Variants in ZC3H13 observed in about 807,000 individuals in gnomAD.
ZC3H13 encodes zinc finger CCCH domain-containing protein 13.
A neutral mutation model predicts 204.1 loss-of-function variants in ZC3H13; 64 were observed. The observed-to-expected ratio is 0.31, with a 90% confidence interval of 0.26 to 0.39. The LOEUF is 0.39. Ranked by LOEUF, ZC3H13 falls within the 10% of genes least tolerant of loss-of-function variation. The probability of loss-of-function intolerance (pLI) is 1.00; values close to 1 mark genes in which losing one functional copy is unlikely to be tolerated. For synonymous variants in ZC3H13, 667 were observed against 693.7 expected (o/e 0.96, Z 0.60); for missense variants, 1,833 against 2,082.7 (o/e 0.88, Z 2.33).
At chr13:45,984,984 C>G (rs1186463758) in intron 10 of ZC3H13, among the ~76,000 whole-genome samples, 1 of 152,088 alleles carries the variant, frequency 6.6e-6, no homozygotes, top group African/African-American at 2.4e-5. Context: ...ATATTTATAC[C>G]TATTTAACAG....
chr13:45,982,320 A>G (rs1006736221), intron 10 of ZC3H13, among the ~76,000 whole-genome samples: 2 of 152,132 alleles, frequency 1.3e-5, no homozygotes, highest in Non-Finnish European at 2.9e-5. Context: ...AACATCTAGG[A>G]AAGAATGGAT....
At chr13:46,048,966 A>G (rs1210708264) in intron 1 of ZC3H13, among the ~76,000 whole-genome samples, 1 of 152,118 alleles carries the variant, frequency 6.6e-6, no homozygotes, top group Non-Finnish European at 1.5e-5. Context: ...ATCCTGGCCA[A>G]CATGGTGAAA....
At chr13:46,039,451 T>C (rs2043422838) in intron 4 of ZC3H13, among the ~76,000 whole-genome samples, 1 of 152,258 alleles carries the variant, frequency 6.6e-6, no homozygotes, top group Non-Finnish European at 1.5e-5. Context: ...ATCATTTACA[T>C]GTATATTCTT....
chr13:45,965,320 T>C lies in ZC3H13; in HGVS notation c.4434A>G (p.Ala1478=), dbSNP rs116386585. The change falls in exon 16 of 19, where the codon GCA becomes GCG. Residue 1478 remains alanine, a synonymous_variant. Transcript: ENST00000679008. ...CATCCTGTTGGTCCTCCCTCTTTTC[T>C]GCATCACCTGCCAGAATTTCATCTA... ...DELDEILAGD[A]EKREDQQDEE... 69 of 1,613,730 alleles carry C rather than the reference T, an allele frequency of 4.3e-5. No individual in the cohort carries two copies. The African/African-American group carries it at 7.5e-4, about 17-fold the overall frequency.
At chr13:45,997,462 T>C (rs2138410990) in intron 8 of ZC3H13, among the ~76,000 whole-genome samples, 1 of 152,186 alleles carries the variant, frequency 6.6e-6, no homozygotes, top group South Asian at 2.1e-4. Flanking sequence ...CCAAAACACA[T>C]ACACAGGCAA....
intron 14 of ZC3H13, 28 bp downstream of exon 14, chr13:45,968,720 T>A: frequency 6.5e-7 from 1 of 1,544,920 alleles, no homozygotes; most frequent in Non-Finnish European, 8.7e-7. Flanking sequence ...TAGGAAACAG[T>A]GACTAGATCA....
intron 6 of ZC3H13, among the ~76,000 whole-genome samples, chr13:46,010,713 T>TA (rs200385560): frequency 3.3e-3 from 483 of 144,706 alleles, no homozygotes; most frequent in Non-Finnish European, 5.9e-3. Flanking sequence ...CTGGATAACA[T>TA]AAAAAAAACC....
intron 5 of ZC3H13, among the ~76,000 whole-genome samples, chr13:46,016,672 A>T (rs1309215907): frequency 1.3e-5 from 2 of 152,164 alleles, no homozygotes; most frequent in South Asian, 4.1e-4. Flanking sequence ...AAATGTGTTC[A>T]GTCTGTGAAC....
At chr13:46,013,756 G>A (rs1329682977) in intron 5 of ZC3H13, among the ~76,000 whole-genome samples, 2 of 152,142 alleles carry the variant, frequency 1.3e-5, no homozygotes, top group South Asian at 2.1e-4. Flanking sequence ...TCACATAAAT[G>A]ATTGTTAAGT....
chr13:46,046,802 A>T (rs1198625669), intron 1 of ZC3H13, among the ~76,000 whole-genome samples: 1 of 152,224 alleles, frequency 6.6e-6, no homozygotes, highest in African/African-American at 2.4e-5. Flanking sequence ...TCAGATAATG[A>T]CAGTATATTA....
At chr13:46,019,913 G>A (rs758946717) in intron 5 of ZC3H13, among the ~76,000 whole-genome samples, 124 of 152,194 alleles carry the variant, frequency 8.1e-4, no homozygotes, top group Admixed American at 3.6e-3. Flanking sequence ...AGCCATGATT[G>A]TACCACTGTC....
chr13:45,980,038 C>A, intron 10 of ZC3H13, 34 bp from the exon 11 acceptor site: 2 of 1,538,178 alleles, frequency 1.3e-6, no homozygotes, highest in Non-Finnish European at 8.7e-7. Context: ...ATGTTTACCA[C>A]ATACACTTTA....
chr13:46,014,144 A>T (rs1463433878), intron 5 of ZC3H13, among the ~76,000 whole-genome samples: 1 of 152,178 alleles, frequency 6.6e-6, no homozygotes, highest in Non-Finnish European at 1.5e-5. Flanking sequence ...ACATAACTTT[A>T]ATTTTAATAC....
At chr13:46,021,266 G>C (rs1855120834) in intron 4 of ZC3H13, among the ~76,000 whole-genome samples, 1 of 151,920 alleles carries the variant, frequency 6.6e-6, no homozygotes, top group Non-Finnish European at 1.5e-5. Context: ...TATAAAAGCA[G>C]CTTACACACA....
chr13:46,033,231 C>T (rs891846416), intron 4 of ZC3H13, among the ~76,000 whole-genome samples: 2 of 152,034 alleles, frequency 1.3e-5, no homozygotes, highest in Non-Finnish European at 2.9e-5. Flanking sequence ...GTTAACCCAA[C>T]TAAGTATCAA....
At chr13:46,038,434 C>T (rs991293658) in intron 4 of ZC3H13, among the ~76,000 whole-genome samples, 6 of 152,176 alleles carry the variant, frequency 3.9e-5, no homozygotes, top group Non-Finnish European at 7.3e-5. Flanking sequence ...TACAGAATTA[C>T]AAGTTATCCA....
At chr13:45,962,040 G>C (rs1281756116) in intron 17 of ZC3H13, 1 of 382,510 alleles carries the variant, frequency 2.6e-6, no homozygotes, top group Non-Finnish European at 3.6e-6. Context: ...TTTCATGTTG[G>C]TACACTTGAA....
In ZC3H13 at chr13:46,003,267, T is replaced by C; in HGVS notation, c.816A>G (p.Glu272=). The change falls in exon 8 of 19, where the codon GAA becomes GAG. Residue 272 remains glutamate, a synonymous_variant. Coordinates refer to ENST00000679008, the MANE Select transcript of ZC3H13 (RefSeq NM_001330564.2). Reference sequence around the variant, plus strand: ...TGTATTTTTTCCCCAGAGCGATATCTTCTGGTATAGGAGGGGGTGGACTAG... The same window carrying C: ...TGTATTTTTTCCCCAGAGCGATATCCTCTGGTATAGGAGGGGGTGGACTAG... The part of the protein sequence containing the change: ...RTPSPPPPIP[E]DIALGKKYKE... The C allele has an allele frequency of 6.2e-7, 1 of 1,613,264 alleles. No individual in the cohort carries two copies. Among genetic ancestry groups the C allele is most frequent in the African/African-American group, 1.3e-5 (1 of 74,962 alleles).
chr13:46,012,163 C>T (rs999059990), intron 5 of ZC3H13, among the ~76,000 whole-genome samples: 1 of 152,132 alleles, frequency 6.6e-6, no homozygotes, highest in South Asian at 2.1e-4. Flanking sequence ...CACAACTGTC[C>T]GTCTCAACGG....
Sources: allele counts gnomAD v4.1 joint callset (sites outside exome capture counted in the v4.1 genomes callset), GRCh38; gene constraint gnomAD v4.1.1; transcripts MANE v1.5; gene names NCBI Gene and HGNC (gene_info 2026-07-23, HGNC 2026-07-21).